Variants in APOB observed in about 807,000 individuals in gnomAD.
The protein encoded by APOB is apolipoprotein B-100.
A neutral mutation model predicts 314.1 loss-of-function variants in APOB; 153 were observed. The observed-to-expected ratio is 0.49, with a 90% confidence interval of 0.43 to 0.56. The LOEUF (loss-of-function observed/expected upper bound fraction) is 0.56. Among genes scored for constraint, APOB ranks in the 20% least tolerant of loss-of-function variants. APOB has a pLI of 0.00. For synonymous variants in APOB, 2,087 were observed against 2,036.4 expected (o/e 1.02, Z -0.67); for missense variants, 5,430 against 5,350.7 (o/e 1.01, Z -0.46).
intron 4 of APOB, among the ~76,000 whole-genome samples, chr2:21,040,477 C>T (rs891943020): frequency 1.3e-5 from 2 of 152,096 alleles, no homozygotes; most frequent in Non-Finnish European, 2.9e-5. Context: ...CTGCAGTGGC[C>T]GATCAGCGTG....
rs757570263 is a variant in APOB at position 21,027,016 on chromosome 2, C to A, written c.2068-52G>T. On this transcript the variant is annotated intron_variant, in intron 14 of 28. Transcript: ENST00000233242. Reference sequence around the variant, plus strand: ...TGGCATCAGGTTTCTTTGTTGTATGCCAGCCTAGTAGTCCCCACTCTTGAT... The same window carrying A: ...TGGCATCAGGTTTCTTTGTTGTATGACAGCCTAGTAGTCCCCACTCTTGAT... 27 of 1,554,880 alleles carry A rather than the reference C, an allele frequency of 1.7e-5. No homozygotes were observed. The African/African-American group carries it at 3.0e-4, about 17-fold the overall frequency.
rs1261372038 is a variant in APOB at position 21,037,845 on chromosome 2, T to C, written c.537+113A>G. The C allele has an allele frequency of 5.2e-6, 7 of 1,358,858 alleles. No individual in the cohort carries two copies. In the Admixed American group the frequency reaches 1.2e-4, roughly 23 times the overall value. 84.2% of individuals were successfully genotyped at this position (1,358,858 alleles called of 1,614,324 possible). A position where few individuals can be genotyped will look rare whatever the true frequency, so the allele number is the denominator to read the frequency against. ...TTTCACGCCAATCCAGGGCTTCCTA[T>C]GTAACTAGTCATGGAGCTGACTCAG... On this transcript the variant is annotated intron_variant, in intron 5 of 28. Coordinates refer to ENST00000233242, the MANE Select transcript of APOB (RefSeq NM_000384.3).
Position 21,009,468 on chromosome 2 carries a change from T to G in APOB, c.7400A>C (p.Lys2467Thr), listed in dbSNP as rs747795510. The G allele has an allele frequency of 1.2e-6, 2 of 1,614,114 alleles. No individual in the cohort carries two copies. Among genetic ancestry groups the G allele is most frequent in the African/African-American group, 1.3e-5 (1 of 75,038 alleles). ...GGCCTTGGTTTCCTCTAAAAACAGT[T>G]TTAATGCTTCAGCTTTTTGTGGTAG... ...LELPQKAEAL[K>T]LFLEETKATV... The change falls in exon 26 of 29, where the codon AAA becomes ACA. Residue 2467 changes from lysine (K) to threonine (T), a missense_variant. This residue lies in a region of APOB where 3,281 missense variants were observed against 3,171.0 expected (regional missense o/e 1.03). Transcript: ENST00000233242.
At chr2:21,034,967 G>T in intron 7 of APOB, 66 bp from the exon 8 acceptor site, 1 of 863,050 alleles carries the variant, frequency 1.2e-6, no homozygotes, top group Non-Finnish European at 2.0e-6. Flanking sequence ...CATGTTGAAG[G>T]TTTTCCCTGT....
In APOB at chr2:21,029,968, G is replaced by A. The variant is rs376602710; in HGVS notation, c.1400C>T (p.Ala467Val). 5 of 1,613,896 alleles carry A rather than the reference G, an allele frequency of 3.1e-6. No homozygotes were observed. The highest frequency in any genetic ancestry group is 4.2e-6 in the Non-Finnish European group (5 of 1,179,896). Reference protein sequence around the residue: ...PTGTQELLDIANYLMEQIQDD... With the variant: ...PTGTQELLDIVNYLMEQIQDD... Reference sequence around the variant, plus strand: ...TTGAATCTGTTCCATCAGGTAATTAGCAATGTCCAGCAGCTCCTGGGTCCC... The same window carrying A: ...TTGAATCTGTTCCATCAGGTAATTAACAATGTCCAGCAGCTCCTGGGTCCC... Residue 467 changes from alanine (A) to valine (V), a missense_variant, in exon 11 of 29, where the codon GCT becomes GTT. Ala to Val is a moderately conservative substitution (Grantham distance 64). This residue lies in a region of APOB where 2,085 missense variants were observed against 2,079.7 expected (regional missense o/e 1.00). Coordinates refer to ENST00000233242, the MANE Select transcript of APOB (RefSeq NM_000384.3).
chr2:21,019,277 A>G (rs1050243245), intron 19 of APOB, among the ~76,000 whole-genome samples, 164 bp from the exon 20 acceptor site: 3 of 152,124 alleles, frequency 2.0e-5, no homozygotes, highest in Admixed American at 6.5e-5. Context: ...TCAGTCCTAC[A>G]AGAACCCAAG....
chr2:21,033,550 G>T, intron 8 of APOB, 32 bp from the exon 9 acceptor site: 1 of 1,559,788 alleles, frequency 6.4e-7, no homozygotes, highest in Non-Finnish European at 8.8e-7. Context: ...AGGAACTCTA[G>T]CTTTCTTCAT....
rs534354331 is a variant in APOB, at chr2:21,033,572, C to T, written c.905-54G>A. The T allele has an allele frequency of 2.4e-5, 35 of 1,454,452 alleles. No individual in the cohort carries two copies. In the African/African-American group the frequency reaches 3.6e-4, roughly 15 times the overall value. The allele number at this position is 1,454,452 out of a possible 1,614,324, so 90.1% of individuals were successfully genotyped here. A position where few individuals can be genotyped will look rare whatever the true frequency, so the allele number is the denominator to read the frequency against. ...CTAGCTTTCTTCATCTCAACCATAT[C>T]TTTGTCTACTGGAAGCTGGAAATTG... On this transcript the variant is annotated intron_variant, in intron 8 of 28. Coordinates refer to ENST00000233242, the MANE Select transcript of APOB (RefSeq NM_000384.3).
rs199590149 is a variant in APOB at position 21,007,461 on chromosome 2, C to T, written c.9407G>A (p.Arg3136His). Residue 3136 changes from arginine to histidine, a missense_variant, in exon 26 of 29, where the codon CGT (arginine) becomes CAT (histidine). Around this residue, in one of 3 missense-constraint regions of APOB, gnomAD observed 3,281 missense variants for 3,171.0 expected, o/e 1.03. Coordinates refer to ENST00000233242, the MANE Select transcript of APOB (RefSeq NM_000384.3). ...AGTTGTGATTATTGTGTAAGGTAGA[C>T]GCATTTCAGGAATTGTTAAAGGAAT... is the stretch of plus-strand genomic sequence containing the variant. The part of the protein sequence containing the change: ...LNIPLTIPEM[R>H]LPYTIITTPP... 3.5e-5 allele frequency: 57 copies of T among 1,613,996 alleles called. No homozygotes were observed. The highest frequency in any genetic ancestry group is 2.0e-4 in the East Asian group (9 of 44,874).
Position 21,014,430 on chromosome 2 carries a change from G to C in APOB, c.3842+18C>G, listed in dbSNP as rs779423478. On this transcript the variant is annotated intron_variant, in intron 24 of 28. Coordinates refer to ENST00000233242, the MANE Select transcript of APOB (RefSeq NM_000384.3). ...TACTTTGCATGGTTCAAGAAGCCTT[G>C]CTGCTTTCTTCTTTTACCTTTTTAA... The C allele has an allele frequency of 1.2e-6, 2 of 1,613,896 alleles. No homozygotes were observed.
At position 21,002,795 on chromosome 2, in the gene APOB, C is replaced by A; in HGVS notation, c.12627G>T (p.Gly4209=). 1 of 1,609,590 alleles carries A rather than the reference C, an allele frequency of 6.2e-7. No homozygotes were observed. Among genetic ancestry groups the A allele is most frequent in the Non-Finnish European group, 8.5e-7 (1 of 1,177,354 alleles). ...FPRFQFPGKP[G]IYTREELCTM... ...TGCAAAGTTCCTCCCTAGTGTATAT[C>A]CCAGGTTTCCCCGGAAACTGGAATC... Residue 4209 remains glycine (G), a synonymous_variant, in exon 29 of 29, where the codon GGG becomes GGT. Transcript: ENST00000233242.
Position 21,029,946 on chromosome 2 carries a change from A to G in APOB, c.1422T>C (p.Ile474=). 2 of 1,614,110 alleles carry G rather than the reference A, an allele frequency of 1.2e-6. No individual in the cohort carries two copies. Among genetic ancestry groups the G allele is most frequent in the Non-Finnish European group, 1.7e-6 (2 of 1,179,980 alleles). ...CTTCATCCCCAGTGCAGTCATCTTG[A>G]ATCTGTTCCATCAGGTAATTAGCAA... ...LDIANYLMEQ[I]QDDCTGDEDY... The change falls in exon 11 of 29, where the codon ATT becomes ATC. Residue 474 remains isoleucine (I), a synonymous_variant. Coordinates refer to ENST00000233242, the MANE Select transcript of APOB (RefSeq NM_000384.3).
rs753403908 is a variant in APOB at position 21,012,608 on chromosome 2, T to G, written c.4260A>C (p.Leu1420=). 25 of 1,612,928 alleles carry G rather than the reference T, an allele frequency of 1.5e-5. No homozygotes were observed. The highest frequency in any genetic ancestry group is 1.6e-4 in the Middle Eastern group (1 of 6,080). The part of the protein sequence containing the change: ...TTYDHKNTFT[L]SCDGSLRHKF... ...TGTGGCGTAGAGACCCATCACATGATAGTGTGAACGTATTCTTGTGGTCAT... is the reference window on the plus strand; with the variant it reads ...TGTGGCGTAGAGACCCATCACATGAGAGTGTGAACGTATTCTTGTGGTCAT... Residue 1420 remains leucine (L), a synonymous_variant, in exon 26 of 29, where the codon CTA becomes CTC. Transcript: ENST00000233242.
chr2:21,015,244 T>C lies in APOB; in HGVS notation c.3525A>G (p.Glu1175=). ...VAWHYDEEKI[E]FEWNTGTNVD... ...CATTGGTGCCTGTGTTCCATTCAAA[T>C]TCAATCTTCTCTTCATCTGAAAATA... The change falls in exon 23 of 29, where the codon GAA becomes GAG. Residue 1175 remains glutamate, a synonymous_variant. Coordinates refer to ENST00000233242, the MANE Select transcript of APOB (RefSeq NM_000384.3). 6.2e-7 allele frequency: 1 copy of C among 1,614,220 alleles called. No individual in the cohort carries two copies. Among genetic ancestry groups the C allele is most frequent in the Non-Finnish European group, 8.5e-7 (1 of 1,180,034 alleles).
rs1663205987 is a variant in APOB, at chr2:21,008,255, A to G, written c.8613T>C (p.Asn2871=). 1 of 1,614,070 alleles carries G rather than the reference A, an allele frequency of 6.2e-7. No homozygotes were observed. Among genetic ancestry groups the G allele is most frequent in the Non-Finnish European group, 8.5e-7 (1 of 1,179,964 alleles). ...GATTGTTTATCTTGACAATCACTCC[A>G]TTACTAAGCTCCAGTGTATTTTTTT... The part of the protein sequence containing the change: ...HTEKNTLELS[N]GVIVKINNQL... The change falls in exon 26 of 29, where the codon AAT becomes AAC. Residue 2871 remains asparagine, a synonymous_variant. Transcript: ENST00000233242.
In APOB at chr2:21,022,737, A is replaced by G. The variant is rs987410046; in HGVS notation, c.2816+94T>C. ...CTCCTGCTTCCTCAGGACCTGAATG[A>G]TCTCAATCAACTGTTTAGCCTGGCA... On this transcript the variant is annotated intron_variant, in intron 18 of 28. Transcript: ENST00000233242. 5.2e-6 allele frequency: 6 copies of G among 1,146,718 alleles called. No individual in the cohort carries two copies. The African/African-American group carries it at 7.6e-5, about 15-fold the overall frequency. The allele number at this position is 1,146,718 out of a possible 1,614,324, so 71.0% of individuals were successfully genotyped here. A position where few individuals can be genotyped will look rare whatever the true frequency, so the allele number is the denominator to read the frequency against.
At chr2:21,027,764 A>G in intron 14 of APOB, 64 bp downstream of exon 14, 1 of 1,298,780 alleles carries the variant, frequency 7.7e-7, no homozygotes, top group Admixed American at 1.7e-5. Context: ...CCTGGCTCCC[A>G]GGGACTCTCT....
intron 4 of APOB, among the ~76,000 whole-genome samples, chr2:21,039,152 G>A (rs749075680): frequency 6.6e-6 from 1 of 152,214 alleles, no homozygotes; most frequent in Non-Finnish European, 1.5e-5. Context: ...AGGGTATTAA[G>A]TATTTTAAAT....
intron 6 of APOB, among the ~76,000 whole-genome samples, chr2:21,036,557 G>C (rs1193818023): frequency 6.6e-6 from 1 of 152,174 alleles, no homozygotes; most frequent in African/African-American, 2.4e-5. Flanking sequence ...AGGAGAGGGT[G>C]CTCCAGGCCG....
Sources: gnomAD v4.1 joint callset for allele counts (sites outside exome capture counted in the v4.1 genomes callset) on GRCh38, gnomAD v4.1.1 for gene constraint, gnomAD v4.1.1 regional missense constraint, MANE v1.5 for transcripts, NCBI Gene and HGNC (gene_info 2026-07-23, HGNC 2026-07-21) for gene names.